Variants in ZBTB7C observed in about 807,000 individuals in gnomAD.
The protein encoded by ZBTB7C is zinc finger and BTB domain containing 7C, also known as zinc finger and BTB domain-containing protein 7C.
A neutral mutation model predicts 25.7 loss-of-function variants in ZBTB7C; 8 were observed. The ratio of observed to expected loss-of-function variants is 0.31; its 90% confidence interval spans 0.18 to 0.56. The LOEUF is 0.56. Among genes scored for constraint, ZBTB7C ranks in the 20% least tolerant of loss-of-function variants. ZBTB7C has a pLI of 0.91. For missense variants in ZBTB7C, 824 were observed against 855.2 expected (o/e 0.96, Z 0.46); for synonymous variants, 394 against 369.0 (o/e 1.07, Z -0.78).
intron 3 of ZBTB7C, among the ~76,000 whole-genome samples, chr18:48,047,384 T>C (rs534992170): frequency 1.8e-4 from 27 of 150,142 alleles, no homozygotes; most frequent in African/African-American, 5.7e-4. Flanking sequence ...AACAAAACAC[T>C]CAACAGCTAG....
chr18:48,161,230 C>T (rs549003778), intron 3 of ZBTB7C, among the ~76,000 whole-genome samples: 2 of 151,200 alleles, frequency 1.3e-5, no homozygotes, highest in East Asian at 2.0e-4. Context: ...GCCTGGGGGA[C>T]GGGGGCAGGG....
chr18:48,278,642 C>A (rs1404995544), intron 2 of ZBTB7C, among the ~76,000 whole-genome samples: 11 of 152,092 alleles, frequency 7.2e-5, no homozygotes, highest in Admixed American at 7.2e-4. Context: ...ATTGGCCAGG[C>A]TGGTCTCGAA....
In ZBTB7C at chr18:48,239,238, T is replaced by A. The variant is rs143797165; in HGVS notation, c.-78-53243A>T. Among the ~76,000 whole-genome samples the A allele has an allele frequency of 3.8e-3, 579 of 152,266 alleles. 2 individuals carry two copies. The highest frequency in any genetic ancestry group is 4.3e-3 in the Non-Finnish European group (291 of 68,016). On this transcript the variant is annotated intron_variant, in intron 2 of 4. Coordinates refer to ENST00000590800, the MANE Select transcript of ZBTB7C (RefSeq NM_001318841.2). ...CTTGATGGTCTTTCTCTACCCTCCCTGGTAACTGAAGACAAAATAAATAAT... is the reference window on the plus strand; with the variant it reads ...CTTGATGGTCTTTCTCTACCCTCCCAGGTAACTGAAGACAAAATAAATAAT...
At chr18:48,067,052 A>AGT (rs1297251449) in intron 3 of ZBTB7C, among the ~76,000 whole-genome samples, 72 of 152,324 alleles carry the variant, frequency 4.7e-4, no homozygotes, top group Non-Finnish European at 8.4e-4. Flanking sequence ...CAGTGAGCCA[A>AGT]GATTGTGCCA....
chr18:48,132,532 T>G (rs2040018431), intron 3 of ZBTB7C, among the ~76,000 whole-genome samples: 1 of 152,190 alleles, frequency 6.6e-6, no homozygotes, highest in Non-Finnish European at 1.5e-5. Context: ...CTAAAAACCA[T>G]TGAATTTACA....
intron 3 of ZBTB7C, among the ~76,000 whole-genome samples, chr18:48,164,575 C>T (rs970252932): frequency 1.3e-5 from 2 of 152,176 alleles, no homozygotes; most frequent in African/African-American, 4.8e-5. Context: ...TTCTTTAACC[C>T]ACCAGGACCC....
rs1057285195 is a variant in ZBTB7C, at chr18:48,362,446, A to C, written c.-303-24048T>G. 3.3e-5 allele frequency among the ~76,000 whole-genome samples: 5 copies of C among 152,188 alleles called. No individual in the cohort carries two copies. In the East Asian group the frequency reaches 9.6e-4, roughly 29 times the overall value. On this transcript the variant is annotated intron_variant, in intron 1 of 4. Coordinates refer to ENST00000590800, the MANE Select transcript of ZBTB7C (RefSeq NM_001318841.2). ...GGACTAGTGCCCTTATAATGGGCTG[A>C]AGAGACCAGAGTTATCCCTTTCCAT...
chr18:48,395,506 G>A (rs1301572178), intron 1 of ZBTB7C, among the ~76,000 whole-genome samples: 7 of 150,162 alleles, frequency 4.7e-5, no homozygotes, highest in African/African-American at 1.7e-4. Flanking sequence ...AGAGGGGTTG[G>A]GGGTGATGTG....
At chr18:48,400,189 T>C (rs1019099080) in intron 1 of ZBTB7C, among the ~76,000 whole-genome samples, 6 of 152,218 alleles carry the variant, frequency 3.9e-5, no homozygotes, top group African/African-American at 1.4e-4. Context: ...AGAGACCTAC[T>C]GTATAAATGG....
chr18:48,221,334 T>C (rs947958913), intron 2 of ZBTB7C, among the ~76,000 whole-genome samples: 7 of 150,176 alleles, frequency 4.7e-5, no homozygotes, highest in East Asian at 4.1e-4. Flanking sequence ...GTCTCCTCTA[T>C]GCTGTCCTAG....
intron 2 of ZBTB7C, among the ~76,000 whole-genome samples, chr18:48,215,423 G>T (rs552532101): frequency 6.6e-6 from 1 of 152,170 alleles, no homozygotes; most frequent in African/African-American, 2.4e-5. Context: ...GTGTTTTAGC[G>T]AGTCATAAGA....
chr18:48,259,649 T>A (rs2226883), intron 2 of ZBTB7C, among the ~76,000 whole-genome samples: 39,926 of 152,050 alleles, frequency 0.26, 5,597 homozygotes, highest in Admixed American at 0.38. Flanking sequence ...CTGGAGTATA[T>A]AACTCCCAAA....
rs374072578 is a variant in ZBTB7C at position 48,320,270 on chromosome 18, C to T, written c.-79+17904G>A. On this transcript the variant is annotated intron_variant, in intron 2 of 4. Coordinates refer to ENST00000590800, the MANE Select transcript of ZBTB7C (RefSeq NM_001318841.2). ...GGGGTTCAGTGTGGCGGGAGTGGAG[C>T]GAGGGGGAAGTGGGTAGATGGGTAG... Among the ~76,000 whole-genome samples the T allele has an allele frequency of 1.9e-3, 286 of 152,034 alleles. 3 individuals are homozygous for T. The highest frequency in any genetic ancestry group is 0.011 in the South Asian group (52 of 4,794).
chr18:48,412,017 A>G (rs2048386214), upstream of ZBTB7C, among the ~76,000 whole-genome samples: 1 of 152,190 alleles, frequency 6.6e-6, no homozygotes, highest in South Asian at 2.1e-4. Flanking sequence ...TGTATCCTAG[A>G]AAAAAAGCAT....
rs533654547 is a variant in ZBTB7C, at chr18:48,193,830, C to T, written c.-78-7835G>A. ...GAAGCCCCTTGGTCCAGGGACCCATCGTGGGGGTGCCTCTGGGAAGCCCAG... is the reference window on the plus strand; with the variant it reads ...GAAGCCCCTTGGTCCAGGGACCCATTGTGGGGGTGCCTCTGGGAAGCCCAG... On this transcript the variant is annotated intron_variant, in intron 2 of 4. Transcript: ENST00000590800. 1.8e-4 allele frequency among the ~76,000 whole-genome samples: 27 copies of T among 152,220 alleles called. 1 individual carries two copies. Among genetic ancestry groups the T allele is most frequent in the Non-Finnish European group, 3.8e-4 (26 of 68,042 alleles).
intron 2 of ZBTB7C, among the ~76,000 whole-genome samples, chr18:48,292,944 C>T (rs2045276313): frequency 6.6e-6 from 1 of 152,144 alleles, no homozygotes; most frequent in African/African-American, 2.4e-5. Flanking sequence ...GGTGACACCC[C>T]CACCCCTGCC....
intron 3 of ZBTB7C, chr18:48,169,688 T>G (rs1301972789): frequency 6.6e-6 from 1 of 152,404 alleles, no homozygotes. Flanking sequence ...TCATGAAGTC[T>G]CGTGTTTTCC....
intron 3 of ZBTB7C, among the ~76,000 whole-genome samples, chr18:48,157,082 G>A (rs2040861106): frequency 6.6e-6 from 1 of 152,214 alleles, no homozygotes; most frequent in African/African-American, 2.4e-5. Flanking sequence ...GTGGGAGAGG[G>A]TAGAGCCACC....
At chr18:48,288,493 C>CAAA (rs35867063) in intron 2 of ZBTB7C, among the ~76,000 whole-genome samples, 2 of 86,446 alleles carry the variant, frequency 2.3e-5, no homozygotes, top group Non-Finnish European at 5.0e-5. Context: ...ACTAAAAGTA[C>CAAA]AAAAAAAAAA....
Sources: allele counts gnomAD v4.1 joint callset (sites outside exome capture counted in the v4.1 genomes callset), GRCh38; gene constraint gnomAD v4.1.1; transcripts MANE v1.5; gene names NCBI Gene and HGNC (gene_info 2026-07-23, HGNC 2026-07-21).